TNS1: variants seen among roughly 807,000 people sequenced by gnomAD.
The protein encoded by TNS1 is tensin 1.
In TNS1, 62 loss-of-function variants were observed where a neutral mutation model predicts 168.6. That is an observed-to-expected ratio of 0.37 (90% CI 0.30 to 0.45). TNS1 has a LOEUF of 0.45. Ranked by LOEUF, TNS1 falls within the 20% of genes least tolerant of loss-of-function variation. The pLI is 1.00. For synonymous variants in TNS1, 934 were observed against 933.2 expected, an observed-to-expected ratio of 1.00 and a Z score of -0.02; for missense variants, 2,240 against 2,339.4, an observed-to-expected ratio of 0.96 and a Z score of 0.88.
upstream of TNS1, among the ~76,000 whole-genome samples, chr2:218,004,998 A>G (rs1958646963): frequency 6.6e-6 from 1 of 152,174 alleles, no homozygotes; most frequent in Non-Finnish European, 1.5e-5. Flanking sequence ...AGCAAAGGGG[A>G]GTGGTCTTCA....
chr2:217,981,065 A>G (rs1456000284), intron 2 of TNS1, among the ~76,000 whole-genome samples: 7 of 152,080 alleles, frequency 4.6e-5, no homozygotes, highest in Non-Finnish European at 1.0e-4. Flanking sequence ...TCCCCACACT[A>G]CACTCAGAGG....
At chr2:217,971,643 G>A (rs1380130516) in intron 3 of TNS1, among the ~76,000 whole-genome samples, 1 of 152,176 alleles carries the variant, frequency 6.6e-6, no homozygotes, top group African/African-American at 2.4e-5. Context: ...TATAAGAAAT[G>A]GCCAAACTGT....
upstream of TNS1, chr2:218,010,509 T>G (rs1329684510): frequency 4.3e-6 from 1 of 231,734 alleles, no homozygotes; most frequent in Non-Finnish European, 8.3e-6. Context: ...CTCCCCTGGC[T>G]GCGTGACAGC....
intron 8 of TNS1, among the ~76,000 whole-genome samples, chr2:217,897,187 G>A (rs1952400998): frequency 6.6e-6 from 1 of 152,180 alleles, no homozygotes; most frequent in South Asian, 2.1e-4. Flanking sequence ...CCCTCCTCTG[G>A]GGCCAAGGAC....
chr2:217,913,849 C>G (rs113237862), intron 4 of TNS1, among the ~76,000 whole-genome samples: 2,990 of 152,254 alleles, frequency 0.02, 91 homozygotes, highest in African/African-American at 0.068. Flanking sequence ...TCCCTGCCCC[C>G]ATTCCTGCAC....
chr2:217,859,828 A>G (rs754137769), intron 18 of TNS1: 1 of 690,022 alleles, frequency 1.4e-6, no homozygotes, highest in Non-Finnish European at 2.5e-6. Flanking sequence ...AGTTCCCACC[A>G]TTATCCTGAT....
chr2:217,993,961 C>CAAAGAGAGAAATTCAAAGAGAGAAGCA (rs1958422505), intron 1 of TNS1, among the ~76,000 whole-genome samples: 1 of 152,180 alleles, frequency 6.6e-6, no homozygotes, highest in Non-Finnish European at 1.5e-5. Context: ...CAGACAGAGA[C>CAAAGAGAGAAATTCAAAGAGAGAAGCA]GTCAGGGATG....
At chr2:217,976,954 C>T (rs746184649) in intron 3 of TNS1, among the ~76,000 whole-genome samples, 2 of 152,144 alleles carry the variant, frequency 1.3e-5, no homozygotes, top group Non-Finnish European at 2.9e-5. Flanking sequence ...AGAATTACAC[C>T]GGGACACCTT....
At chr2:217,838,665 TG>T (rs1218802736) in intron 19 of TNS1, among the ~76,000 whole-genome samples, 2 of 152,204 alleles carry the variant, frequency 1.3e-5, no homozygotes, top group Non-Finnish European at 2.9e-5. Context: ...TCACATTCTT[TG>T]AACACAGTGT....
In TNS1 at chr2:217,804,319, C is replaced by G; in HGVS notation, c.*140G>C. 1 of 965,730 alleles carries G rather than the reference C, an allele frequency of 1.0e-6. No individual in the cohort carries two copies. Among genetic ancestry groups the G allele is most frequent in the South Asian group, 1.6e-5 (1 of 62,778 alleles). The allele number at this position is 965,730 out of a possible 1,614,324, so 59.8% of individuals were successfully genotyped here. ...CCCCTCCCCTCTGCAATTCACTTCC[C>G]TCTCCCCACGTTGCACTTTCTTCTC... On this transcript the variant is annotated 3_prime_UTR_variant, in exon 33 of 33. Coordinates refer to ENST00000682258, the MANE Select transcript of TNS1 (RefSeq NM_001387777.1).
At chr2:217,822,153 A>T (rs2125199704) in intron 22 of TNS1, among the ~76,000 whole-genome samples, 1 of 152,120 alleles carries the variant, frequency 6.6e-6, no homozygotes, top group African/African-American at 2.4e-5. Context: ...GGGCCCTGAA[A>T]TGGATCCCAG....
chr2:217,878,100 A>G (rs1283042165), intron 18 of TNS1, among the ~76,000 whole-genome samples: 1 of 151,534 alleles, frequency 6.6e-6, no homozygotes, highest in Non-Finnish European at 1.5e-5. Flanking sequence ...AGCGGCCCAC[A>G]CTCTTCTCTG....
chr2:217,935,078 C>T (rs1263875070), intron 3 of TNS1, among the ~76,000 whole-genome samples: 3 of 152,252 alleles, frequency 2.0e-5, no homozygotes, highest in Non-Finnish European at 4.4e-5. Flanking sequence ...CTACACAGAC[C>T]TCTCTCTCTG....
At chr2:217,903,328 AT>A (rs1219101240) in intron 6 of TNS1, among the ~76,000 whole-genome samples, 3 of 152,196 alleles carry the variant, frequency 2.0e-5, no homozygotes, top group African/African-American at 2.4e-5. Context: ...TCATTTGTCC[AT>A]CTGTAAAATG....
At chr2:217,888,606 G>C (rs1409210860) in intron 12 of TNS1, among the ~76,000 whole-genome samples, 2 of 152,174 alleles carry the variant, frequency 1.3e-5, no homozygotes, top group African/African-American at 4.8e-5. Flanking sequence ...AATCATGGGA[G>C]TGGTTTCCCC....
intron 18 of TNS1, among the ~76,000 whole-genome samples, chr2:217,873,142 C>T (rs75973040): frequency 4.6e-5 from 7 of 152,108 alleles, no homozygotes; most frequent in Non-Finnish European, 8.8e-5. Flanking sequence ...TACTAAAACC[C>T]ATTGAATTGT....
intron 18 of TNS1, among the ~76,000 whole-genome samples, chr2:217,868,283 G>A (rs956054300): frequency 6.6e-6 from 1 of 152,224 alleles, no homozygotes; most frequent in Non-Finnish European, 1.5e-5. Flanking sequence ...AAGGGAGGAG[G>A]CCATAGCCTG....
chr2:217,852,809 A>G (rs896722314), intron 18 of TNS1, among the ~76,000 whole-genome samples: 1 of 152,226 alleles, frequency 6.6e-6, no homozygotes, highest in East Asian at 1.9e-4. Context: ...AAAATCGAAC[A>G]GATGCAAATT....
chr2:217,968,899 T>C (rs1248558248), intron 3 of TNS1, among the ~76,000 whole-genome samples: 1 of 152,170 alleles, frequency 6.6e-6, no homozygotes, highest in East Asian at 1.9e-4. Flanking sequence ...TTCACCATGT[T>C]GGTCAGGCTG....
Sources: gnomAD v4.1 joint callset for allele counts (sites outside exome capture counted in the v4.1 genomes callset) on GRCh38, gnomAD v4.1.1 for gene constraint, MANE v1.5 for transcripts, NCBI Gene and HGNC (gene_info 2026-07-23, HGNC 2026-07-21) for gene names.